DMAP1: variants seen among roughly 807,000 people sequenced by gnomAD.
DMAP1 encodes DNA methyltransferase 1 associated protein 1.
DMAP1 carries 26 observed loss-of-function variants against 52.7 expected under a neutral mutation model. The observed-to-expected ratio is 0.49, with a 90% CI of 0.36 to 0.68. DMAP1 has a LOEUF of 0.68. Ranked by LOEUF, DMAP1 falls within the 30% of genes least tolerant of loss-of-function variation. The pLI is 0.00. For synonymous variants in DMAP1, 231 were observed against 246.0 expected, an observed-to-expected ratio of 0.94 and a Z score of 0.57; for missense variants, 439 against 625.2, an observed-to-expected ratio of 0.70 and a Z score of 3.18.
intron 3 of DMAP1, chr1:44,217,122 G>C (rs1643809998): frequency 6.6e-6 from 1 of 152,156 alleles, no homozygotes; most frequent in Admixed American, 6.5e-5. Context: ...CAAAATACAA[G>C]TCCATGTTTC....
intron 7 of DMAP1, 45 bp downstream of exon 7, chr1:44,219,522 C>T: frequency 6.6e-7 from 1 of 1,518,870 alleles, no homozygotes; most frequent in Non-Finnish European, 8.8e-7. Context: ...CTGGGCTCTG[C>T]TCTGGGCTCC....
intron 3 of DMAP1, 118 bp downstream of exon 3, chr1:44,215,016 A>G (rs766931559): frequency 9.3e-6 from 11 of 1,179,750 alleles, no homozygotes; most frequent in Middle Eastern, 1.9e-4. Context: ...AACTGTGATT[A>G]CCCACTCAAT....
At chr1:44,215,503 G>A (rs1643773460) in intron 3 of DMAP1, 2 of 334,502 alleles carry the variant, frequency 6.0e-6, no homozygotes, top group Non-Finnish European at 1.2e-5. Context: ...AAGAAGGTAG[G>A]GGAAAACAAA....
chr1:44,214,678 G>GCATCTCCCTAAACCTCC, intron 2 of DMAP1, 25 bp from the exon 3 acceptor site: 1 of 1,611,574 alleles, frequency 6.2e-7, no homozygotes, highest in Non-Finnish European at 8.5e-7. Context: ...TTCTAACCTC[G>GCATCTCCCTAAACCTCC]CATCTCCCTA....
chr1:44,218,716 G>T lies in DMAP1; in HGVS notation c.681G>T (p.Lys227Asn). 2 of 1,613,340 alleles carry T rather than the reference G, an allele frequency of 1.2e-6. No homozygotes were observed. The highest frequency in any genetic ancestry group is 1.1e-5 in the South Asian group (1 of 91,002). The part of the protein sequence containing the change: ...VFDAGHERRR[K>N]EQLERLYNRT... ...ATGCTGGGCACGAACGACGGCGGAA[G>T]GAACAGCTTGAGCGTCTCTACAACC... is the stretch of plus-strand genomic sequence containing the variant. The change falls in exon 5 of 10, where the codon AAG (lysine) becomes AAT (asparagine). Residue 227 changes from lysine to asparagine, a missense_variant. By Grantham distance (94) the Lys-to-Asn change is moderately conservative (BLOSUM62 0). Around this residue, in one of 3 missense-constraint regions of DMAP1, gnomAD observed 142 missense variants for 149.5 expected, o/e 0.95. Coordinates refer to ENST00000372289, the MANE Select transcript of DMAP1 (RefSeq NM_019100.5). This position sits in a 1 kb window ranked among gnomAD's most constrained non-coding sequence, Gnocchi z 5.6.
chr1:44,215,207 C>G, intron 3 of DMAP1: 1 of 517,044 alleles, frequency 1.9e-6, no homozygotes, highest in Admixed American at 2.3e-5. Flanking sequence ...TAGTATGAAC[C>G]CTGTGGCTTC....
chr1:44,218,433 T>C lies in DMAP1; in HGVS notation c.516T>C (p.Val172=), dbSNP rs187902214. Residue 172 remains valine, a synonymous_variant, in exon 4 of 10, where the codon GTT becomes GTC. Transcript: ENST00000372289. This position sits in a 1 kb window ranked among gnomAD's most constrained non-coding sequence, Gnocchi z 5.6. ...DLSRRFDLRF[V]VIHDRYDHQQ... Reference sequence around the variant, plus strand: ...GCCGCCGCTTTGACCTGCGTTTTGTTGTTATCCATGACCGGTATGACCACC... The same window carrying C: ...GCCGCCGCTTTGACCTGCGTTTTGTCGTTATCCATGACCGGTATGACCACC... The C allele has an allele frequency of 6.2e-7, 1 of 1,614,196 alleles. No homozygotes were observed. The highest frequency in any genetic ancestry group is 2.2e-5 in the East Asian group (1 of 44,886).
Position 44,214,438 on chromosome 1 carries a change from A to G in DMAP1, c.194A>G (p.Lys65Arg). 1 of 1,614,110 alleles carries G rather than the reference A, an allele frequency of 6.2e-7. No homozygotes were observed. The highest frequency in any genetic ancestry group is 8.5e-7 in the Non-Finnish European group (1 of 1,179,992). The stretch of plus-strand genomic sequence containing the variant: ...GTCTATGCCTTGCTCTACTCTGACA[A>G]GAAGCAAGTATTGGAGTCCCAAGTC... ...REVYALLYSD[K>R]KDAPPLLPSD... The change falls in exon 2 of 10, where the codon AAG becomes AGG. Residue 65 changes from lysine to arginine, a missense_variant. This residue lies in a region of DMAP1 where 118 missense variants were observed against 189.8 expected (regional missense o/e 0.62). Transcript: ENST00000372289.
In DMAP1 at chr1:44,218,501, GCT is replaced by G; in HGVS notation, c.552+33_552+34del. 2 of 1,611,774 alleles carry G rather than the reference GCT, an allele frequency of 1.2e-6. No individual in the cohort carries two copies. Among genetic ancestry groups the G allele is most frequent in the South Asian group, 2.2e-5 (2 of 91,052 alleles). On this transcript the variant is annotated intron_variant, in intron 4 of 9. Transcript: ENST00000372289. The surrounding 1 kb of genome is among the most constrained non-coding windows in gnomAD (Gnocchi z 5.6). The stretch of plus-strand genomic sequence containing the variant: ...CATTGTGTATTTGCATGGGTGCCCA[GCT>G]TCTGGGTCTAGCAGGCCCTACTTTT...
At position 44,214,385 on chromosome 1, in the gene DMAP1, C is replaced by T; in HGVS notation, c.141C>T (p.Phe47=). The T allele has an allele frequency of 6.2e-7, 1 of 1,614,138 alleles. No homozygotes were observed. The highest frequency in any genetic ancestry group is 8.5e-7 in the Non-Finnish European group (1 of 1,180,008). Residue 47 remains phenylalanine, a synonymous_variant, in exon 2 of 10, where the codon TTC becomes TTT. Transcript: ENST00000372289. ...AGAAGTCCTCTGAGACACTGACTTT[C>T]AAGAGGCCCGAGGGCATGCACCGGG... ...KSKKSSETLT[F]KRPEGMHREV...
In DMAP1 at chr1:44,213,930, C is replaced by A; in HGVS notation, c.105+72C>A. 7.3e-7 allele frequency: 1 copy of A among 1,370,592 alleles called. No individual in the cohort carries two copies. The highest frequency in any genetic ancestry group is 1.0e-6 in the Non-Finnish European group (1 of 984,990). 84.9% of individuals were successfully genotyped at this position (1,370,592 alleles called of 1,614,324 possible). ...GAAGATGGGGAGGAGTGACAACGGG[C>A]AAGGGATGGGTGCTACACTTACAGT... On this transcript the variant is annotated intron_variant, in intron 1 of 9. Transcript: ENST00000372289. The surrounding 1 kb of genome is among the most constrained non-coding windows in gnomAD (Gnocchi z 4.5).
chr1:44,220,278 A>C lies in DMAP1; in HGVS notation c.1313A>C (p.Asp438Ala). Residue 438 changes from aspartate (D) to alanine (A), a missense_variant, in exon 9 of 10, where the codon GAT becomes GCT. Physicochemically the swap from Asp to Ala is moderately radical, Grantham distance 126 (BLOSUM62 -2). Transcript: ENST00000372289. ...CCTGACCCCAAGGACACCATCATTGATGTGGTGGGCGCACCCCTCACGCCC... is the reference window on the plus strand; with the variant it reads ...CCTGACCCCAAGGACACCATCATTGCTGTGGTGGGCGCACCCCTCACGCCC... The part of the protein sequence containing the change: ...LGPDPKDTII[D>A]VVGAPLTPNS... The C allele has an allele frequency of 6.4e-7, 1 of 1,558,772 alleles. No individual in the cohort carries two copies. Among genetic ancestry groups the C allele is most frequent in the Admixed American group, 1.8e-5 (1 of 55,082 alleles).
At position 44,214,457 on chromosome 1, in the gene DMAP1, C is replaced by T. The variant is rs745358786; in HGVS notation, c.197+16C>T. 18 of 1,613,814 alleles carry T rather than the reference C, an allele frequency of 1.1e-5. No homozygotes were observed. The highest frequency in any genetic ancestry group is 8.8e-5 in the South Asian group (8 of 91,070). On this transcript the variant is annotated intron_variant, in intron 2 of 9. Transcript: ENST00000372289. ...CTGACAAGAAGCAAGTATTGGAGTCCCAAGTCCCCCAGGTTTTGGCCCCTG... is the reference window on the plus strand; with the variant it reads ...CTGACAAGAAGCAAGTATTGGAGTCTCAAGTCCCCCAGGTTTTGGCCCCTG...
In DMAP1 at chr1:44,214,873, AC is replaced by A; in HGVS notation, c.369del (p.Tyr124ThrfsTer68). On this transcript the variant is annotated frameshift_variant, in exon 3 of 10. Transcript: ENST00000372289. LOFTEE classifies it high-confidence loss of function. Reference protein sequence around the residue: ...HWRRAAEEGKDYPFARFNKTV... With the variant: ...HWRRAAEEGKXYPFARFNKTV... ...CGACGTGCAGCGGAGGAGGGCAAGGACTACCCCTTTGCCAGGTTCAATAAGG... is the reference window on the plus strand; with the variant it reads ...CGACGTGCAGCGGAGGAGGGCAAGGATACCCCTTTGCCAGGTTCAATAAGG... The A allele has an allele frequency of 6.2e-7, 1 of 1,614,192 alleles. No homozygotes were observed.
At position 44,213,967 on chromosome 1, in the gene DMAP1, TA is replaced by T; in HGVS notation, c.105+113del. The T allele has an allele frequency of 1.0e-6, 1 of 991,702 alleles. No individual in the cohort carries two copies. Among genetic ancestry groups the T allele is most frequent in the Non-Finnish European group, 1.5e-6 (1 of 655,678 alleles). The allele number at this position is 991,702 out of a possible 1,614,324, so 61.4% of individuals were successfully genotyped here. A position where few individuals can be genotyped will look rare whatever the true frequency, so the allele number is the denominator to read the frequency against. ...GCTACACTTACAGTGAGTTGGGCGA[TA>T]AAAGGGGTGACATAACAGGACAGGG... is the stretch of plus-strand genomic sequence containing the variant. On this transcript the variant is annotated intron_variant, in intron 1 of 9. Transcript: ENST00000372289. This position sits in a 1 kb window ranked among gnomAD's most constrained non-coding sequence, Gnocchi z 4.5.
At chr1:44,219,685 C>T in intron 7 of DMAP1, 121 bp from the exon 8 acceptor site, 2 of 1,307,472 alleles carry the variant, frequency 1.5e-6, no homozygotes, top group Non-Finnish European at 2.1e-6. Context: ...CCTTTTCTGG[C>T]CCATAGTTAA....
intron 1 of DMAP1, 77 bp from the exon 2 acceptor site, chr1:44,214,273 T>C: frequency 7.3e-7 from 1 of 1,371,380 alleles, no homozygotes; most frequent in Admixed American, 1.7e-5. Flanking sequence ...GCTGCTTTGT[T>C]CAGGGATTGA....
At position 44,218,260 on chromosome 1, in the gene DMAP1, G is replaced by A; in HGVS notation, c.394-51G>A. ...TGGTCACTGGGGCCTGGAGCCTGCT[G>A]GACATGACATCATGCGGGCATGCCC... is the stretch of plus-strand genomic sequence containing the variant. On this transcript the variant is annotated intron_variant, in intron 3 of 9. Transcript: ENST00000372289. This position sits in a 1 kb window ranked among gnomAD's most constrained non-coding sequence, Gnocchi z 5.6. 2 of 1,613,538 alleles carry A rather than the reference G, an allele frequency of 1.2e-6. No individual in the cohort carries two copies. Among genetic ancestry groups the A allele is most frequent in the Non-Finnish European group, 1.7e-6 (2 of 1,179,458 alleles).
intron 3 of DMAP1, 102 bp downstream of exon 3, chr1:44,215,000 A>G: frequency 7.4e-7 from 1 of 1,343,948 alleles, no homozygotes; most frequent in Non-Finnish European, 1.0e-6. Context: ...GGGCACGCTT[A>G]TGCCCAACTG....
Sources: gnomAD v4.1 joint callset for allele counts on GRCh38, gnomAD v4.1.1 for gene constraint, gnomAD v4.1.1 regional missense constraint, Gnocchi (gnomAD v3.1) non-coding constraint, MANE v1.5 for transcripts, NCBI Gene and HGNC (gene_info 2026-07-23, HGNC 2026-07-21) for gene names.